The following DMRT1 variants were observed in gnomAD, a reference collection of about 807,000 sequenced individuals.
The protein encoded by DMRT1 is doublesex- and mab-3-related transcription factor 1.
In DMRT1, 7 loss-of-function variants were observed where a neutral mutation model predicts 32.3. That is an observed-to-expected ratio of 0.22 (90% CI 0.12 to 0.41). The LOEUF (loss-of-function observed/expected upper bound fraction) is 0.41, where lower values mean the gene tolerates loss of function less well. Ranked by LOEUF, DMRT1 falls within the 10% of genes least tolerant of loss-of-function variation. The pLI is 1.00. For missense variants in DMRT1, 625 were observed against 500.5 expected (o/e 1.25, Z -2.37); for synonymous variants, 278 against 206.1 (o/e 1.35, Z -2.99).
At chr9:887,699 C>G (rs939542436) in intron 2 of DMRT1, among the ~76,000 whole-genome samples, 11 of 152,276 alleles carry the variant, frequency 7.2e-5, no homozygotes, top group African/African-American at 2.4e-4. Context: ...TAAATCACCT[C>G]CACTCTGGCT....
At chr9:872,395 TCA>T (rs1816312187) in intron 2 of DMRT1, among the ~76,000 whole-genome samples, 1 of 152,192 alleles carries the variant, frequency 6.6e-6, no homozygotes, top group Admixed American at 6.5e-5. Context: ...TTTAATATAT[TCA>T]CAGAGTTGGG....
At chr9:901,390 G>A (rs1041837783) in intron 3 of DMRT1, among the ~76,000 whole-genome samples, 4 of 151,960 alleles carry the variant, frequency 2.6e-5, no homozygotes, top group South Asian at 2.1e-4. Flanking sequence ...GCAGTGGCGC[G>A]ATCTCGGCTC....
chr9:894,432 T>C, intron 3 of DMRT1: 1 of 581,376 alleles, frequency 1.7e-6, no homozygotes, highest in Non-Finnish European at 3.1e-6. Flanking sequence ...GCCTCAAAGG[T>C]TGGCTGCAAG....
intron 3 of DMRT1, among the ~76,000 whole-genome samples, chr9:912,161 T>C (rs2370219): frequency 0.089 from 13,517 of 152,172 alleles, 1,030 homozygotes; most frequent in Admixed American, 0.18. Flanking sequence ...CAGGGGAAAC[T>C]GCCAAACACT....
At chr9:955,777 A>G (rs1475602188) in intron 4 of DMRT1, among the ~76,000 whole-genome samples, 2 of 152,230 alleles carry the variant, frequency 1.3e-5, no homozygotes, top group African/African-American at 4.8e-5. Context: ...AAAAATAATC[A>G]GTGAACGGAA....
At chr9:877,290 T>G (rs1206984162) in intron 2 of DMRT1, among the ~76,000 whole-genome samples, 1 of 152,234 alleles carries the variant, frequency 6.6e-6, no homozygotes, top group South Asian at 2.1e-4. Context: ...TACACTCTGC[T>G]GAACAGGTTT....
intron 2 of DMRT1, among the ~76,000 whole-genome samples, chr9:850,604 TC>T (rs1233466650): frequency 6.6e-6 from 1 of 152,224 alleles, no homozygotes; most frequent in East Asian, 1.9e-4. Context: ...TGTCTGTTTA[TC>T]CTTTTCATAT....
intron 2 of DMRT1, among the ~76,000 whole-genome samples, chr9:850,858 A>T (rs7039180): frequency 2.0e-5 from 3 of 151,142 alleles, no homozygotes; most frequent in African/African-American, 7.3e-5. Flanking sequence ...GCGAAACCCC[A>T]TCTCTACTGA....
intron 2 of DMRT1, among the ~76,000 whole-genome samples, chr9:866,821 C>T (rs371347851): frequency 6.6e-6 from 1 of 152,144 alleles, no homozygotes; most frequent in Non-Finnish European, 1.5e-5. Flanking sequence ...TTCCTTATCA[C>T]CCTCTCCCTC....
intron 3 of DMRT1, among the ~76,000 whole-genome samples, chr9:900,810 G>A (rs7858633): frequency 0.024 from 3,576 of 151,380 alleles, 144 homozygotes; most frequent in African/African-American, 0.083. Context: ...TCAGTCTCAC[G>A]AGTAGCTGGG....
At chr9:891,627 G>C (rs546158896) in intron 2 of DMRT1, among the ~76,000 whole-genome samples, 2 of 150,572 alleles carry the variant, frequency 1.3e-5, no homozygotes, top group East Asian at 3.9e-4. Flanking sequence ...CGATTCTCCT[G>C]CCTCAGCCTC....
chr9:955,147 G>A (rs1397298297), intron 4 of DMRT1, among the ~76,000 whole-genome samples: 1 of 152,112 alleles, frequency 6.6e-6, no homozygotes, highest in Non-Finnish European at 1.5e-5. Flanking sequence ...AGAAAGGAGA[G>A]TACTGTGGCC....
At chr9:948,709 C>T (rs1819328472) in intron 4 of DMRT1, among the ~76,000 whole-genome samples, 2 of 152,000 alleles carry the variant, frequency 1.3e-5, no homozygotes, top group Admixed American at 1.3e-4. Flanking sequence ...TGAGTGGCCA[C>T]CCAACACTTT....
intron 2 of DMRT1, among the ~76,000 whole-genome samples, chr9:854,442 C>T (rs1055439378): frequency 6.6e-5 from 10 of 151,978 alleles, no homozygotes; most frequent in Non-Finnish European, 1.5e-4. Flanking sequence ...TGCAACCATG[C>T]CTGGCTAATT....
At chr9:903,432 T>G (rs971954195) in intron 3 of DMRT1, among the ~76,000 whole-genome samples, 1 of 152,234 alleles carries the variant, frequency 6.6e-6, no homozygotes. Context: ...CATCTGGTTT[T>G]TATTACACCT....
intron 3 of DMRT1, among the ~76,000 whole-genome samples, chr9:908,042 A>T (rs925798346): frequency 2.6e-5 from 4 of 152,226 alleles, no homozygotes; most frequent in Non-Finnish European, 5.9e-5. Context: ...GCCTTTGTAA[A>T]ATGTCAAAAT....
At chr9:861,806 G>GA (rs1564203878) in intron 2 of DMRT1, among the ~76,000 whole-genome samples, 1 of 4,444 alleles carries the variant, frequency 2.3e-4, no homozygotes, top group Admixed American at 2.0e-3. Context: ...GCTGCCGGGC[G>GA]GGGGGGGGCT....
At chr9:887,360 C>G (rs557481676) in intron 2 of DMRT1, among the ~76,000 whole-genome samples, 55 of 152,324 alleles carry the variant, frequency 3.6e-4, no homozygotes, top group Non-Finnish European at 7.1e-4. Context: ...ATTCCCCCAT[C>G]TCCTTATTCT....
intron 3 of DMRT1, among the ~76,000 whole-genome samples, chr9:907,245 C>T (rs1422722516): frequency 6.6e-6 from 1 of 152,298 alleles, no homozygotes; most frequent in East Asian, 1.9e-4. Context: ...TCTCTCCAGC[C>T]ATTTTACTGA....
Sources: allele counts gnomAD v4.1 joint callset (sites outside exome capture counted in the v4.1 genomes callset), GRCh38; gene constraint gnomAD v4.1.1; transcripts MANE v1.5; gene names NCBI Gene and HGNC (gene_info 2026-07-23, HGNC 2026-07-21).